Variants in DNAJC24 observed in about 807,000 individuals in gnomAD.
DNAJC24 encodes the protein DnaJ heat shock protein family (Hsp40) member C24.
A neutral mutation model predicts 18.0 loss-of-function variants in DNAJC24; 17 were observed. That is an observed-to-expected ratio of 0.94 (90% CI 0.65 to 1.42). The LOEUF (loss-of-function observed/expected upper bound fraction) is 1.42. Ranked by LOEUF, DNAJC24 falls within the 40% of genes most tolerant of loss-of-function variation. DNAJC24 has a pLI of 0.00. For missense variants in DNAJC24, 158 were observed against 175.6 expected (o/e 0.90, Z 0.57); for synonymous variants, 55 against 57.7 (o/e 0.95, Z 0.21).
chr11:31,424,832 T>C (rs7929331), intron 3 of DNAJC24, among the ~76,000 whole-genome samples: 2,992 of 152,214 alleles, frequency 0.02, 90 homozygotes, highest in African/African-American at 0.067. Context: ...AACAGGCAGT[T>C]ACTAAATATA....
At chr11:31,397,808 C>CTTTTTTTTTTTTTT (rs113510980) in intron 2 of DNAJC24, among the ~76,000 whole-genome samples, 1 of 144,246 alleles carries the variant, frequency 6.9e-6, no homozygotes, top group African/African-American at 2.5e-5. Context: ...ATATGTGTTT[C>CTTTTTTTTTTTTTT]TTTTTTTTTT....
At chr11:31,406,009 G>A (rs1952654191) in intron 2 of DNAJC24, among the ~76,000 whole-genome samples, 1 of 152,264 alleles carries the variant, frequency 6.6e-6, no homozygotes, top group South Asian at 2.1e-4. Context: ...ACTGCTGAAA[G>A]GTACTACCTC....
intron 2 of DNAJC24, among the ~76,000 whole-genome samples, chr11:31,414,266 T>C (rs1952734647): frequency 6.6e-6 from 1 of 152,192 alleles, no homozygotes; most frequent in Non-Finnish European, 1.5e-5. Flanking sequence ...AAATGTATGC[T>C]TGGGGATTTA....
At chr11:31,382,311 C>CA (rs1180790757) in intron 2 of DNAJC24, among the ~76,000 whole-genome samples, 1 of 152,052 alleles carries the variant, frequency 6.6e-6, no homozygotes. Context: ...TCCTTATCTG[C>CA]AAAAATCAAC....
At chr11:31,416,812 T>A (rs528602299) in intron 3 of DNAJC24, 14 of 152,122 alleles carry the variant, frequency 9.2e-5, no homozygotes, top group Non-Finnish European at 1.9e-4. Context: ...ATTTGAGAGA[T>A]GTCAGAAGAC....
At chr11:31,414,527 G>C (rs141122812) in intron 2 of DNAJC24, among the ~76,000 whole-genome samples, 1 of 152,118 alleles carries the variant, frequency 6.6e-6, no homozygotes, top group East Asian at 1.9e-4. Context: ...TCCTCTCTAG[G>C]TAAACTGTCC....
intron 1 of DNAJC24, among the ~76,000 whole-genome samples, chr11:31,370,380 C>G (rs1952208717): frequency 6.6e-6 from 1 of 152,028 alleles, no homozygotes; most frequent in African/African-American, 2.4e-5. Context: ...TTAGTGGGTG[C>G]TTACTTGTGT....
chr11:31,414,418 C>G (rs1952735676), intron 2 of DNAJC24, among the ~76,000 whole-genome samples: 1 of 152,146 alleles, frequency 6.6e-6, no homozygotes, highest in Non-Finnish European at 1.5e-5. Flanking sequence ...TATAGGTAGG[C>G]ACATTGTGTA....
At chr11:31,383,912 A>G (rs1952402756) in intron 2 of DNAJC24, among the ~76,000 whole-genome samples, 1 of 152,184 alleles carries the variant, frequency 6.6e-6, no homozygotes. Flanking sequence ...AATGTATGTA[A>G]TTATCTTAAG....
chr11:31,383,077 C>A (rs1056406861), intron 2 of DNAJC24, among the ~76,000 whole-genome samples: 1 of 152,142 alleles, frequency 6.6e-6, no homozygotes, highest in Non-Finnish European at 1.5e-5. Context: ...AGTGCAGAAG[C>A]TGTGGATTTG....
At chr11:31,403,599 G>A (rs1205961381) in intron 2 of DNAJC24, among the ~76,000 whole-genome samples, 2 of 152,160 alleles carry the variant, frequency 1.3e-5, no homozygotes, top group East Asian at 1.9e-4. Context: ...TGTCCCATGG[G>A]CATGACTTCC....
intron 2 of DNAJC24, among the ~76,000 whole-genome samples, chr11:31,392,124 G>T (rs980525898): frequency 2.6e-5 from 4 of 152,128 alleles, no homozygotes; most frequent in Admixed American, 6.5e-5. Flanking sequence ...GGGGGAGAGG[G>T]CAGTGGAGAT....
At chr11:31,390,599 G>A (rs1952484684) in intron 2 of DNAJC24, among the ~76,000 whole-genome samples, 1 of 150,946 alleles carries the variant, frequency 6.6e-6, no homozygotes. Context: ...CCAGCTACAT[G>A]GGAGGCTGAG....
At chr11:31,378,144 G>C (rs535130660) in intron 2 of DNAJC24, among the ~76,000 whole-genome samples, 1 of 152,158 alleles carries the variant, frequency 6.6e-6, no homozygotes, top group Admixed American at 6.5e-5. Flanking sequence ...ACATTACAAA[G>C]CAAAAGAGAT....
chr11:31,382,543 G>T (rs2133471545), intron 2 of DNAJC24, among the ~76,000 whole-genome samples: 1 of 152,056 alleles, frequency 6.6e-6, no homozygotes, highest in East Asian at 1.9e-4. Flanking sequence ...TTTAAAAATG[G>T]GAAAATTATA....
intron 2 of DNAJC24, among the ~76,000 whole-genome samples, chr11:31,392,956 C>A (rs1952512271): frequency 6.6e-6 from 1 of 152,154 alleles, no homozygotes; most frequent in African/African-American, 2.4e-5. Flanking sequence ...GCCTCCCTTA[C>A]TTCTTTCACA....
chr11:31,402,654 G>A (rs1199836345), intron 2 of DNAJC24, among the ~76,000 whole-genome samples: 1 of 152,080 alleles, frequency 6.6e-6, no homozygotes, highest in African/African-American at 2.4e-5. Flanking sequence ...GACTGCAGAC[G>A]TGTGCCACCA....
chr11:31,430,212 G>C (rs1952905790), intron 4 of DNAJC24, 59 bp from the exon 5 acceptor site: 5 of 1,448,214 alleles, frequency 3.5e-6, no homozygotes, highest in Middle Eastern at 1.9e-4. Context: ...ACCTTTTAAG[G>C]GTATTAGTGA....
intron 2 of DNAJC24, among the ~76,000 whole-genome samples, chr11:31,371,143 A>G (rs1437870124): frequency 6.6e-6 from 1 of 152,166 alleles, no homozygotes; most frequent in Non-Finnish European, 1.5e-5. Flanking sequence ...GTGCCAAGGG[A>G]GGATTAAATG....
Sources: gnomAD v4.1 joint callset for allele counts (sites outside exome capture counted in the v4.1 genomes callset) on GRCh38, gnomAD v4.1.1 for gene constraint, MANE v1.5 for transcripts, NCBI Gene and HGNC (gene_info 2026-07-23, HGNC 2026-07-21) for gene names.